Variants in GMFB observed in about 807,000 individuals in gnomAD.
The protein encoded by GMFB is GMF-beta.
A neutral mutation model predicts 25.6 loss-of-function variants in GMFB; 13 were observed. The ratio of observed to expected loss-of-function variants is 0.51; its 90% CI spans 0.33 to 0.81. The LOEUF is 0.81. GMFB is among the 30% of genes least tolerant of loss of function. GMFB has a pLI of 0.02. For missense variants in GMFB, 146 were observed against 175.4 expected (o/e 0.83, Z 0.95); for synonymous variants, 57 against 56.9 (o/e 1.00, Z 0.00).
chr14:54,481,924 G>T (rs1441922817), intron 3 of GMFB, among the ~76,000 whole-genome samples: 17 of 152,072 alleles, frequency 1.1e-4, no homozygotes, highest in Non-Finnish European at 2.4e-4. Flanking sequence ...CTCAGTATAT[G>T]ACCCCAACTT....
Position 54,483,769 on chromosome 14 carries a change from T to C in GMFB, c.4-2A>G, listed in dbSNP as rs1430615979. 4.5e-6 allele frequency: 7 copies of C among 1,562,212 alleles called. No homozygotes were observed. The highest frequency in any genetic ancestry group is 6.2e-6 in the Non-Finnish European group (7 of 1,136,992). On this transcript the variant is annotated splice_acceptor_variant, in intron 1 of 6. Transcript: ENST00000358056. LOFTEE classifies it high-confidence loss of function. ...ATCACAAACAACCAAAGACTCACTC[T>C]ATAAAAGAAAAAAAACACACATAAA...
chr14:54,484,337 A>C (rs1178496544), intron 1 of GMFB, among the ~76,000 whole-genome samples: 1 of 152,024 alleles, frequency 6.6e-6, no homozygotes, highest in Non-Finnish European at 1.5e-5. Flanking sequence ...AGAATGTGCA[A>C]AAGAAATAAA....
At chr14:54,481,064 C>A (rs2140032750) in intron 4 of GMFB, 108 bp from the exon 5 acceptor site, 1 of 595,642 alleles carries the variant, frequency 1.7e-6, no homozygotes, top group Middle Eastern at 4.2e-4. Flanking sequence ...TTAGGCCACA[C>A]CTTCATTATT....
In GMFB at chr14:54,475,868, A is replaced by G. The variant is rs2031632377; in HGVS notation, c.*2220T>C. ...TGTACCAGAAAGATAACGGAATGTA[A>G]AAACTGGAATTATGAAATCTGGAGT... On this transcript the variant is annotated 3_prime_UTR_variant, in exon 7 of 7. Transcript: ENST00000358056. The G allele has an allele frequency of 6.6e-6, 1 of 152,218 alleles. No homozygotes were observed. The highest frequency in any genetic ancestry group is 1.5e-5 in the Non-Finnish European group (1 of 67,954). The allele number at this position is 152,218 out of a possible 1,614,324, so 9.4% of individuals were successfully genotyped here.
intron 5 of GMFB, chr14:54,480,118 C>A: frequency 3.0e-6 from 1 of 336,688 alleles, no homozygotes; most frequent in South Asian, 4.7e-5. Context: ...ACTTTTAGAG[C>A]CTTGCAAACA....
intron 4 of GMFB, among the ~76,000 whole-genome samples, 167 bp from the exon 5 acceptor site, chr14:54,481,123 A>G (rs186398443): frequency 1.3e-5 from 2 of 152,238 alleles, no homozygotes; most frequent in East Asian, 3.9e-4. Context: ...ATAAAATCAC[A>G]TAATCTCTCA....
At chr14:54,479,912 G>T (rs1183275059) in intron 5 of GMFB, 53 bp from the exon 6 acceptor site, 3 of 990,860 alleles carry the variant, frequency 3.0e-6, no homozygotes, top group East Asian at 2.4e-5. Context: ...AGAAAGGTAT[G>T]GGTTATCATT....
At chr14:54,479,397 G>A in intron 6 of GMFB, 2 of 157,026 alleles carry the variant, frequency 1.3e-5, no homozygotes. Flanking sequence ...ACAATTAACT[G>A]CATAATACTG....
In GMFB at chr14:54,484,220, G is replaced by GA. The variant is rs901927178; in HGVS notation, c.4-454dup. ...ATTTTTTGTCCTCACAATTACAGGG[G>GA]AAAAAAAATATAAGCAACAAAAGTG... On this transcript the variant is annotated intron_variant, in intron 1 of 6. Coordinates refer to ENST00000358056, the MANE Select transcript of GMFB (RefSeq NM_004124.3). Among the ~76,000 whole-genome samples the GA allele has an allele frequency of 7.3e-5, 11 of 150,350 alleles. No homozygotes were observed. In the East Asian group the frequency reaches 2.1e-3, roughly 29 times the overall value.
At chr14:54,479,658 C>T (rs919346201) in intron 6 of GMFB, 128 bp downstream of exon 6, 15 of 537,042 alleles carry the variant, frequency 2.8e-5, no homozygotes, top group African/African-American at 3.9e-5. Context: ...AAAGCTTTGG[C>T]TAACTTACTA....
At position 54,486,334 on chromosome 14, in the gene GMFB, A is replaced by G. The variant is rs141994820; in HGVS notation, c.4-2567T>C. On this transcript the variant is annotated intron_variant, in intron 1 of 6. Coordinates refer to ENST00000358056, the MANE Select transcript of GMFB (RefSeq NM_004124.3). ...AAATCAAAATGGATTAAAGACTTAAATGTAAGATCTGAAACTATACAACCA... is the reference window on the plus strand; with the variant it reads ...AAATCAAAATGGATTAAAGACTTAAGTGTAAGATCTGAAACTATACAACCA... Among the ~76,000 whole-genome samples the G allele has an allele frequency of 4.7e-4, 72 of 152,324 alleles. 2 individuals carry two copies. Among genetic ancestry groups the G allele is most frequent in the African/African-American group, 1.6e-3 (68 of 41,566 alleles).
At chr14:54,481,208 G>T in intron 4 of GMFB, 1 of 577,052 alleles carries the variant, frequency 1.7e-6, no homozygotes, top group Non-Finnish European at 3.1e-6. Context: ...TTATAATAAA[G>T]GAAATAGTTT....
At chr14:54,485,326 A>C (rs978672450) in intron 1 of GMFB, among the ~76,000 whole-genome samples, 14 of 152,180 alleles carry the variant, frequency 9.2e-5, no homozygotes, top group African/African-American at 2.9e-4. Context: ...TGATTTCAGT[A>C]AAGTTTAGGA....
chr14:54,484,303 T>C (rs1026995147), intron 1 of GMFB, among the ~76,000 whole-genome samples: 1 of 151,878 alleles, frequency 6.6e-6, no homozygotes, highest in Non-Finnish European at 1.5e-5. Context: ...TAAATGATTA[T>C]AGAGATATAA....
chr14:54,487,453 G>A (rs907890565), intron 1 of GMFB, among the ~76,000 whole-genome samples: 1 of 151,788 alleles, frequency 6.6e-6, no homozygotes, highest in South Asian at 2.1e-4. Flanking sequence ...GAGAACGAAC[G>A]GCGTGAACCA....
At chr14:54,486,736 A>G (rs2031787832) in intron 1 of GMFB, among the ~76,000 whole-genome samples, 2 of 152,158 alleles carry the variant, frequency 1.3e-5, no homozygotes, top group Admixed American at 1.3e-4. Context: ...AGATACTATT[A>G]TTACTCCCAT....
At position 54,476,175 on chromosome 14, in the gene GMFB, T is replaced by C. The variant is rs1384047809; in HGVS notation, c.*1913A>G. ...AGCTCTTTGCTCCTGTTAAAGACAG[T>C]AGCGGAACTAAGAGTGCTAACGTAT... On this transcript the variant is annotated 3_prime_UTR_variant, in exon 7 of 7. Transcript: ENST00000358056. 1.3e-5 allele frequency: 2 copies of C among 149,752 alleles called. No homozygotes were observed. Among genetic ancestry groups the C allele is most frequent in the African/African-American group, 5.0e-5 (2 of 40,050 alleles). The allele number at this position is 149,752 out of a possible 1,614,324, so 9.3% of individuals were successfully genotyped here. A position where few individuals can be genotyped will look rare whatever the true frequency, so the allele number is the denominator to read the frequency against.
chr14:54,486,439 A>G (rs1176787032), intron 1 of GMFB, among the ~76,000 whole-genome samples: 1 of 152,194 alleles, frequency 6.6e-6, no homozygotes, highest in African/African-American at 2.4e-5. Context: ...AAAAGCACAG[A>G]CAACTAAAGC....
At chr14:54,481,310 T>A (rs2031707903) in intron 4 of GMFB, 99 bp downstream of exon 4, 3 of 814,652 alleles carry the variant, frequency 3.7e-6, no homozygotes, top group Non-Finnish European at 6.3e-6. Context: ...GCTGTCATCA[T>A]GACACAGAAG....
Sources: gnomAD v4.1 joint callset for allele counts (sites outside exome capture counted in the v4.1 genomes callset) on GRCh38, gnomAD v4.1.1 for gene constraint, MANE v1.5 for transcripts, NCBI Gene and HGNC (gene_info 2026-07-23, HGNC 2026-07-21) for gene names.